TAB1: variants seen among roughly 807,000 people sequenced by gnomAD.
The protein encoded by TAB1 is TGF-beta activated kinase 1 (MAP3K7) binding protein 1, also known as TGF-beta-activated kinase 1 and MAP3K7-binding protein 1.
A neutral mutation model predicts 54.5 loss-of-function variants in TAB1; 30 were observed. That is an observed-to-expected ratio of 0.55 (90% CI 0.41 to 0.75). The LOEUF (loss-of-function observed/expected upper bound fraction) is 0.75. Among genes scored for constraint, TAB1 ranks in the 30% least tolerant of loss-of-function variants. TAB1 has a pLI of 0.00. For synonymous variants in TAB1, 289 were observed against 286.9 expected (o/e 1.01, Z -0.07); for missense variants, 609 against 683.2 (o/e 0.89, Z 1.21).
At chr22:39,428,587 G>A (rs924664164) in intron 10 of TAB1, among the ~76,000 whole-genome samples, 1 of 152,144 alleles carries the variant, frequency 6.6e-6, no homozygotes, top group African/African-American at 2.4e-5. Flanking sequence ...TGAGTTCTCT[G>A]GTTTTGGGGC....
rs372718983 is a variant in TAB1 at position 39,419,286 on chromosome 22, G to A, written c.665-233G>A. Reference sequence around the variant, plus strand: ...AGGGAGACGGCAGGCAAGCTGCTCCGTGCCAGGTGGTGCCTGGAGGACGGG... The same window carrying A: ...AGGGAGACGGCAGGCAAGCTGCTCCATGCCAGGTGGTGCCTGGAGGACGGG... On this transcript the variant is annotated intron_variant, in intron 6 of 10. Coordinates refer to ENST00000216160, the MANE Select transcript of TAB1 (RefSeq NM_006116.3). Among the ~76,000 whole-genome samples the A allele has an allele frequency of 8.5e-5, 13 of 152,336 alleles. No individual in the cohort carries two copies. The East Asian group carries it at 1.2e-3, about 14-fold the overall frequency.
chr22:39,401,034 CA>C (rs566248298), intron 1 of TAB1, among the ~76,000 whole-genome samples: 1,234 of 45,678 alleles, frequency 0.027, 7 homozygotes, highest in East Asian at 0.14. Flanking sequence ...GACTGTGTCT[CA>C]AAAAAAAAAA....
intron 8 of TAB1, among the ~76,000 whole-genome samples, chr22:39,426,453 C>T (rs1927340636): frequency 6.6e-6 from 1 of 152,216 alleles, no homozygotes; most frequent in African/African-American, 2.4e-5. Flanking sequence ...TGGATGTTCT[C>T]CCCATCCTAG....
rs747562603 is a variant in TAB1 at position 39,430,172 on chromosome 22, C to T, written c.1465C>T (p.Arg489Cys). ...CTATGTGGACTTTGCTGAGTTTTAC[C>T]GCCTCTGGAGCGTGGACCATGGCGA... Reference protein sequence around the residue: ...EPYVDFAEFYRLWSVDHGEQS... With the variant: ...EPYVDFAEFYCLWSVDHGEQS... Residue 489 changes from arginine (R) to cysteine (C), a missense_variant, in exon 11 of 11, where the codon CGC becomes TGC. Physicochemically the swap from Arg to Cys is radical, Grantham distance 180. Coordinates refer to ENST00000216160, the MANE Select transcript of TAB1 (RefSeq NM_006116.3). 1.3e-4 allele frequency: 210 copies of T among 1,613,686 alleles called. No individual in the cohort carries two copies. Among genetic ancestry groups the T allele is most frequent in the Middle Eastern group, 4.9e-4 (3 of 6,084 alleles).
chr22:39,417,039 G>A (rs764424321), intron 4 of TAB1, among the ~76,000 whole-genome samples, 162 bp downstream of exon 4: 33 of 152,232 alleles, frequency 2.2e-4, no homozygotes, highest in Non-Finnish European at 4.1e-4. Flanking sequence ...GAGGGACCTC[G>A]CTGCTCTGCT....
At chr22:39,417,565 G>A in intron 4 of TAB1, 146 bp from the exon 5 acceptor site, 7 of 723,330 alleles carry the variant, frequency 9.7e-6, no homozygotes, top group Non-Finnish European at 1.4e-5. Flanking sequence ...AGCTTGTAGT[G>A]AGCCGAGATC....
chr22:39,434,393 C>T (rs897633751), downstream of TAB1, among the ~76,000 whole-genome samples: 14 of 152,252 alleles, frequency 9.2e-5, no homozygotes, highest in Admixed American at 1.3e-4. Context: ...TCTTCACAGC[C>T]GAAGTGCAGA....
chr22:39,416,940 A>G, intron 4 of TAB1, 63 bp downstream of exon 4: 2 of 1,504,678 alleles, frequency 1.3e-6, no homozygotes, highest in South Asian at 1.1e-5. Context: ...AGGAGCATGG[A>G]CTCATCTACT....
Position 39,400,613 on chromosome 22 carries a change from A to G in TAB1, c.33+778A>G, listed in dbSNP as rs1367370969. On this transcript the variant is annotated intron_variant, in intron 1 of 10. Transcript: ENST00000216160. ...CCTGCGTCCTCTGACGCGTATGTGC[A>G]CATAGATGCACACACATGTTGGCAC... Among the ~76,000 whole-genome samples the G allele has an allele frequency of 2.0e-5, 3 of 152,266 alleles. No individual in the cohort carries two copies. The East Asian group carries it at 5.8e-4, about 29-fold the overall frequency.
rs977986249 is a variant in TAB1, at chr22:39,430,551, A to G, written c.*329A>G. 3.3e-6 allele frequency: 4 copies of G among 1,215,116 alleles called. No individual in the cohort carries two copies. In the African/African-American group the frequency reaches 6.2e-5, roughly 19 times the overall value. 75.3% of individuals were successfully genotyped at this position (1,215,116 alleles called of 1,614,324 possible). A position where few individuals can be genotyped will look rare whatever the true frequency, so the allele number is the denominator to read the frequency against. ...GAGCCTCCCCAGCAGCCTCCTACAG[A>G]GCAGGAAGAGGCGCCCTGTGAACCC... On this transcript the variant is annotated 3_prime_UTR_variant, in exon 11 of 11. Coordinates refer to ENST00000216160, the MANE Select transcript of TAB1 (RefSeq NM_006116.3).
At chr22:39,417,880 G>T in intron 5 of TAB1, 31 bp downstream of exon 5, 1 of 1,577,520 alleles carries the variant, frequency 6.3e-7, no homozygotes, top group Non-Finnish European at 8.6e-7. Flanking sequence ...GGGCAGGGAG[G>T]ACTGGGGAGA....
intron 3 of TAB1, 61 bp from the exon 4 acceptor site, chr22:39,416,730 T>G: frequency 6.7e-7 from 1 of 1,496,832 alleles, no homozygotes; most frequent in Non-Finnish European, 9.3e-7. Flanking sequence ...ATAGAGGACA[T>G]TTTGGCACCA....
At chr22:39,422,092 A>G in intron 8 of TAB1, 121 bp downstream of exon 8, 1 of 958,360 alleles carries the variant, frequency 1.0e-6, no homozygotes, top group Admixed American at 3.6e-5. Context: ...TCTGGGTTCA[A>G]AGCTGGGGGA....
At position 39,418,815 on chromosome 22, in the gene TAB1, G is replaced by A. The variant is rs748835307; in HGVS notation, c.634G>A (p.Glu212Lys). ...QLNVDHTTEN[E>K]DELFRLSQLG... ...GAACGTGGACCACACCACAGAGAAC[G>A]AGGATGAGCTCTTCCGTCTTTCGCA... The change falls in exon 6 of 11, where the codon GAG (glutamate) becomes AAG (lysine). Residue 212 changes from glutamate (E) to lysine (K), a missense_variant. By Grantham distance (56) the Glu-to-Lys change is moderately conservative. Transcript: ENST00000216160. The A allele has an allele frequency of 5.1e-5, 83 of 1,614,032 alleles. 1 individual carries two copies. Among genetic ancestry groups the A allele is most frequent in the Non-Finnish European group, 6.8e-5 (80 of 1,180,002 alleles).
intron 9 of TAB1, among the ~76,000 whole-genome samples, chr22:39,427,307 T>A (rs1429205346): frequency 1.3e-5 from 2 of 152,096 alleles, no homozygotes; most frequent in African/African-American, 4.8e-5. Flanking sequence ...GGTACCCCTG[T>A]TTTCCAGAGA....
In TAB1 at chr22:39,415,136, A is replaced by C. The variant is rs773925723; in HGVS notation, c.164A>C (p.Lys55Thr). 3.8e-6 allele frequency: 6 copies of C among 1,581,142 alleles called. No individual in the cohort carries two copies. The highest frequency in any genetic ancestry group is 5.2e-6 in the Non-Finnish European group (6 of 1,159,666). The change falls in exon 2 of 11, where the codon AAG becomes ACG. Residue 55 changes from lysine to threonine, a missense_variant. Physicochemically the swap from Lys to Thr is moderately conservative, Grantham distance 78 (BLOSUM62 -1). Transcript: ENST00000216160. This position sits in a 1 kb window ranked among gnomAD's most constrained non-coding sequence, Gnocchi z 4.9. ...ESHPPEDSWL[K>T]FRSENNCFLY... ...CACCCGCCAGAGGACAGCTGGCTCA[A>C]GTTCAGGTGTGTGTGCCAGCATTTC...
At chr22:39,419,674 G>C in intron 7 of TAB1, 44 bp downstream of exon 7, 1 of 1,437,022 alleles carries the variant, frequency 7.0e-7, no homozygotes, top group Non-Finnish European at 9.6e-7. Context: ...AAGAACAGAA[G>C]GTCCTAGGGA....
rs1926761272 is a variant in TAB1, at chr22:39,415,002, C to T, written c.34-4C>T. 2 of 1,613,920 alleles carry T rather than the reference C, an allele frequency of 1.2e-6. No homozygotes were observed. Among genetic ancestry groups the T allele is most frequent in the Non-Finnish European group, 1.7e-6 (2 of 1,179,982 alleles). ...TCTCACGGCTTCCTGGTGTCCTTCC[C>T]CAGGAGCAGCAGCCAAGCTGGACAG... On this transcript the variant is annotated splice_region_variant and splice_polypyrimidine_tract_variant and intron_variant, in intron 1 of 10. Transcript: ENST00000216160. The surrounding 1 kb of genome is among the most constrained non-coding windows in gnomAD (Gnocchi z 4.9).
At chr22:39,407,576 C>T (rs556034416) in intron 1 of TAB1, among the ~76,000 whole-genome samples, 9 of 152,052 alleles carry the variant, frequency 5.9e-5, no homozygotes, top group South Asian at 4.2e-4. Flanking sequence ...CTCTGCCTCC[C>T]GGGTTCCAGC....
Sources: allele counts gnomAD v4.1 joint callset (sites outside exome capture counted in the v4.1 genomes callset), GRCh38; gene constraint gnomAD v4.1.1; non-coding constraint Gnocchi (gnomAD v3.1); transcripts MANE v1.5; gene names NCBI Gene and HGNC (gene_info 2026-07-23, HGNC 2026-07-21).